Variants in DIAPH1 observed in about 807,000 individuals in gnomAD.
The protein encoded by DIAPH1 is protein diaphanous homolog 1.
Under a neutral mutation model 140.7 loss-of-function variants are expected in DIAPH1, and 46 were observed. That is an observed-to-expected ratio of 0.33 (90% confidence interval 0.26 to 0.42). DIAPH1 has a LOEUF of 0.42. Ranked by LOEUF, DIAPH1 falls within the 10% of genes least tolerant of loss-of-function variation. The pLI, the probability that DIAPH1 is intolerant of heterozygous loss-of-function variation, is 1.00. For synonymous variants in DIAPH1, 565 were observed against 551.6 expected (o/e 1.02, Z -0.34); for missense variants, 1,310 against 1,558.7 (o/e 0.84, Z 2.69).
chr5:141,546,201 G>A (rs753580364), intron 18 of DIAPH1, among the ~76,000 whole-genome samples: 27 of 152,038 alleles, frequency 1.8e-4, no homozygotes, highest in Non-Finnish European at 3.4e-4. Context: ...GGCCAACATG[G>A]CGAAACCCTG....
chr5:141,525,502 G>A (rs2099887200), intron 26 of DIAPH1, among the ~76,000 whole-genome samples: 2 of 152,158 alleles, frequency 1.3e-5, no homozygotes, highest in African/African-American at 4.8e-5. Context: ...TAGTGAAACA[G>A]AGATTCTGCT....
chr5:141,574,081 C>G lies in DIAPH1; in HGVS notation c.1769G>C (p.Gly590Ala). The change falls in exon 16 of 28, where the codon GGT becomes GCT. Residue 590 changes from glycine (G) to alanine (A), a missense_variant. This residue lies in a region of DIAPH1 where 589 missense variants were observed against 549.3 expected (regional missense o/e 1.07). Transcript: ENST00000389054. The stretch of plus-strand genomic sequence containing the variant: ...TGGTGGAATAATAGTGCCAGAGTCA[C>G]CAGGTAAAGGAGGGGCAGGGGGAAC... ...APVPPAPPLP[G>A]DSGTIIPPPP... 6.2e-7 allele frequency: 1 copy of G among 1,612,140 alleles called. No homozygotes were observed. The highest frequency in any genetic ancestry group is 8.5e-7 in the Non-Finnish European group (1 of 1,179,306).
At chr5:141,580,082 C>T (rs2099896526) in intron 8 of DIAPH1, among the ~76,000 whole-genome samples, 3 of 151,764 alleles carry the variant, frequency 2.0e-5, no homozygotes, top group South Asian at 4.2e-4. Flanking sequence ...CTGTAAGTAC[C>T]GACATAGAAG....
chr5:141,608,402 A>G (rs977333380), intron 1 of DIAPH1, among the ~76,000 whole-genome samples: 2 of 152,278 alleles, frequency 1.3e-5, no homozygotes, highest in Non-Finnish European at 2.9e-5. Flanking sequence ...CTGTCAGTCC[A>G]ATAGCCTTTC....
chr5:141,595,933 C>T (rs1039628632), intron 1 of DIAPH1, among the ~76,000 whole-genome samples: 2 of 152,168 alleles, frequency 1.3e-5, no homozygotes, highest in African/African-American at 2.4e-5. Flanking sequence ...TCTGTAATCC[C>T]GGCACTTTGG....
rs189214389 is a variant in DIAPH1 at position 141,566,763 on chromosome 5, T to A, written c.2482+4665A>T. ...TACAAAAATTAGCCAGGTGTGGTGGTGCACACCTGTAATCCCAGCTACTCG... is the reference window on the plus strand; with the variant it reads ...TACAAAAATTAGCCAGGTGTGGTGGAGCACACCTGTAATCCCAGCTACTCG... On this transcript the variant is annotated intron_variant, in intron 18 of 27. Transcript: ENST00000389054. 9.2e-3 allele frequency among the ~76,000 whole-genome samples: 1,395 copies of A among 152,046 alleles called. 13 individuals carry two copies. The highest frequency in any genetic ancestry group is 0.02 in the Admixed American group (302 of 15,262).
At chr5:141,551,582 A>G (rs1418677186) in intron 18 of DIAPH1, among the ~76,000 whole-genome samples, 1 of 152,172 alleles carries the variant, frequency 6.6e-6, no homozygotes, top group Non-Finnish European at 1.5e-5. Flanking sequence ...TTGATTTGGA[A>G]TGTGGTCAAG....
intron 18 of DIAPH1, among the ~76,000 whole-genome samples, chr5:141,567,315 G>C (rs1415948584): frequency 6.6e-6 from 1 of 152,080 alleles, no homozygotes; most frequent in Non-Finnish European, 1.5e-5. Context: ...ACCTGGAGGA[G>C]GTATGGTACT....
chr5:141,612,007 C>T (rs1009076013), intron 1 of DIAPH1, among the ~76,000 whole-genome samples: 2 of 152,052 alleles, frequency 1.3e-5, no homozygotes, highest in Non-Finnish European at 2.9e-5. Context: ...GCAGAGGCTC[C>T]GGTAAGCCGA....
chr5:141,596,250 T>G (rs558099139), intron 1 of DIAPH1, among the ~76,000 whole-genome samples: 1 of 152,052 alleles, frequency 6.6e-6, no homozygotes, highest in Non-Finnish European at 1.5e-5. Flanking sequence ...GGAGAATCAC[T>G]TGAACCCGGG....
Position 141,559,147 on chromosome 5 carries a change from G to A in DIAPH1, c.2482+12281C>T, listed in dbSNP as rs185069296. On this transcript the variant is annotated intron_variant, in intron 18 of 27. Transcript: ENST00000389054. ...TACATCAACTCTCTAATTCTGGGAA[G>A]AGGAGACAGTAAGAGGGTCTTAATG... Among the ~76,000 whole-genome samples the A allele has an allele frequency of 7.7e-3, 1,169 of 152,042 alleles. 19 individuals are homozygous for A. The highest frequency in any genetic ancestry group is 0.027 in the African/African-American group (1,104 of 41,532).
At position 141,618,934 on chromosome 5, in the gene DIAPH1, G is replaced by A. The variant is rs986383413; in HGVS notation, c.-20C>T. Reference sequence around the variant, plus strand: ...CTCCATGTCCCGGTTCACGCTGGCCGGCGACCCCGCGCCTACGCCGCTCCC... The same window carrying A: ...CTCCATGTCCCGGTTCACGCTGGCCAGCGACCCCGCGCCTACGCCGCTCCC... On this transcript the variant is annotated 5_prime_UTR_variant, in exon 1 of 28. Transcript: ENST00000389054. 9.2e-6 allele frequency: 13 copies of A among 1,419,582 alleles called. No homozygotes were observed. In the East Asian group the frequency reaches 1.2e-4, roughly 13 times the overall value. 87.9% of individuals were successfully genotyped at this position (1,419,582 alleles called of 1,614,324 possible).
intron 8 of DIAPH1, among the ~76,000 whole-genome samples, chr5:141,580,528 C>T (rs1333512781): frequency 3.9e-5 from 6 of 151,970 alleles, no homozygotes; most frequent in African/African-American, 1.5e-4. Context: ...AGACATTTTG[C>T]TATACCTCTG....
At chr5:141,550,821 T>C (rs558190352) in intron 18 of DIAPH1, among the ~76,000 whole-genome samples, 25 of 152,270 alleles carry the variant, frequency 1.6e-4, no homozygotes, top group African/African-American at 5.3e-4. Context: ...CTTGAGAGGA[T>C]TGCCCTGCTC....
chr5:141,594,120 C>A (rs1341960869), intron 1 of DIAPH1, among the ~76,000 whole-genome samples: 1 of 152,168 alleles, frequency 6.6e-6, no homozygotes, highest in Non-Finnish European at 1.5e-5. Flanking sequence ...CAATTCATGG[C>A]TGGTGGGAAT....
At chr5:141,520,789 CTCCTG>C (rs2099886413) in intron 27 of DIAPH1, among the ~76,000 whole-genome samples, 1 of 152,210 alleles carries the variant, frequency 6.6e-6, no homozygotes, top group Non-Finnish European at 1.5e-5. Flanking sequence ...TCACTGCTGT[CTCCTG>C]TTCAATCACG....
chr5:141,547,164 G>C (rs2099890932), intron 18 of DIAPH1, among the ~76,000 whole-genome samples: 1 of 152,228 alleles, frequency 6.6e-6, no homozygotes, highest in Non-Finnish European at 1.5e-5. Context: ...CATCAGAGAA[G>C]TAGAATTTAC....
chr5:141,539,430 G>T (rs113874669), intron 18 of DIAPH1, among the ~76,000 whole-genome samples: 133 of 131,676 alleles, frequency 1.0e-3, no homozygotes, highest in East Asian at 3.9e-3. Flanking sequence ...TTTTTTTTTT[G>T]TTTTTTTTTT....
At chr5:141,580,142 T>G (rs997357246) in intron 8 of DIAPH1, among the ~76,000 whole-genome samples, 1 of 152,176 alleles carries the variant, frequency 6.6e-6, no homozygotes, top group Non-Finnish European at 1.5e-5. Flanking sequence ...AAGAATGATT[T>G]AGCTTTGGTT....
Sources: gnomAD v4.1 joint callset for allele counts (sites outside exome capture counted in the v4.1 genomes callset) on GRCh38, gnomAD v4.1.1 for gene constraint, gnomAD v4.1.1 regional missense constraint, MANE v1.5 for transcripts, NCBI Gene and HGNC (gene_info 2026-07-23, HGNC 2026-07-21) for gene names.